The following TUBGCP6 variants were observed in gnomAD, a reference collection of about 807,000 sequenced individuals.
TUBGCP6 encodes the protein tubulin gamma complex component 6.
TUBGCP6 carries 161 observed loss-of-function variants against 175.8 expected under a neutral mutation model. The observed-to-expected ratio is 0.92, with a 90% CI of 0.81 to 1.04. The LOEUF is 1.04. Among genes scored for constraint, TUBGCP6 ranks in the 50% least tolerant of loss-of-function variants. The probability of loss-of-function intolerance (pLI) is 0.00; values close to 1 mark genes in which losing one functional copy is unlikely to be tolerated. For synonymous variants in TUBGCP6, 1,173 were observed against 1,030.5 expected (o/e 1.14, Z -2.65); for missense variants, 2,572 against 2,433.0 (o/e 1.06, Z -1.20).
intron 18 of TUBGCP6, 85 bp from the exon 19 acceptor site, chr22:50,219,541 G>A: frequency 6.3e-7 from 1 of 1,585,426 alleles, no homozygotes. Context: ...CACGTGCTGG[G>A]AACTGGCTAG....
At chr22:50,225,691 G>A in intron 10 of TUBGCP6, 103 bp downstream of exon 10, 2 of 1,426,218 alleles carry the variant, frequency 1.4e-6, no homozygotes, top group African/African-American at 1.4e-5. Context: ...CCAGAAGGGA[G>A]GCCCCCATCT....
chr22:50,230,295 C>T (rs1029001212), intron 3 of TUBGCP6, among the ~76,000 whole-genome samples: 1 of 151,728 alleles, frequency 6.6e-6, no homozygotes, highest in African/African-American at 2.4e-5. Context: ...CATAGCAAGA[C>T]CCCCATCTCT....
At position 50,219,397 on chromosome 22, in the gene TUBGCP6, CG is replaced by C. The variant is rs1569109423; in HGVS notation, c.4374del (p.Val1459TrpfsTer16). ...GCGGCAGACTGGACCTGGGGGTCCA[CG>C]GGGAAGGCGAAGGCCCGGGGAAGCA... Reference protein sequence around the residue: ...RPVLPRAFAFPVDPQVQSAAD... With the variant: ...RPVLPRAFAFXVDPQVQSAAD... On this transcript the variant is annotated frameshift_variant, in exon 19 of 25. Coordinates refer to ENST00000248846, the MANE Select transcript of TUBGCP6 (RefSeq NM_020461.4). LOFTEE classifies it high-confidence loss of function. 6.4e-7 allele frequency: 1 copy of C among 1,573,404 alleles called. No homozygotes were observed. Among genetic ancestry groups the C allele is most frequent in the Admixed American group, 1.9e-5 (1 of 51,938 alleles).
intron 2 of TUBGCP6, among the ~76,000 whole-genome samples, chr22:50,234,220 GTCC>G (rs2064731686): frequency 7.4e-6 from 1 of 135,160 alleles, no homozygotes; most frequent in South Asian, 2.5e-4. Context: ...CTACACCCAG[GTCC>G]ACAGCAGCAT....
At chr22:50,224,120 C>G in intron 13 of TUBGCP6, 21 bp downstream of exon 13, 1 of 1,609,702 alleles carries the variant, frequency 6.2e-7, no homozygotes, top group South Asian at 1.1e-5. Context: ...ACCCCTGGGC[C>G]TGGAGCCCGG....
chr22:50,218,384 G>A lies in TUBGCP6; in HGVS notation c.4973C>T (p.Ala1658Val). The change falls in exon 23 of 25, where the codon GCC becomes GTC. Residue 1658 changes from alanine (A) to valine (V), a missense_variant. Ala to Val is a moderately conservative substitution (Grantham distance 64). Transcript: ENST00000248846. ...CAGCTGACGGAACTGCACAGAGCCG[G>A]CCATGTGGCTCAGCAGGGCTGGCGG... ...LKRTALLSHM[A>V]GSVQFRQLQL... The A allele has an allele frequency of 6.2e-7, 1 of 1,613,064 alleles. No individual in the cohort carries two copies. Among genetic ancestry groups the A allele is most frequent in the Non-Finnish European group, 8.5e-7 (1 of 1,179,958 alleles).
rs757589346 is a variant in TUBGCP6 at position 50,224,595 on chromosome 22, G to A, written c.1984-3C>T. On this transcript the variant is annotated splice_region_variant and splice_polypyrimidine_tract_variant and intron_variant, in intron 10 of 24. Coordinates refer to ENST00000248846, the MANE Select transcript of TUBGCP6 (RefSeq NM_020461.4). ...TTTGCAATTTCCATACGTAATTCCT[G>A]AGAAAGACAACTGGTAATCAAAGCA... 9.9e-6 allele frequency: 16 copies of A among 1,613,478 alleles called. No homozygotes were observed. In the Admixed American group the frequency reaches 2.3e-4, roughly 24 times the overall value.
chr22:50,219,694 AG>A lies in TUBGCP6; in HGVS notation c.4264del (p.Leu1422TrpfsTer53). 1 of 1,613,714 alleles carries A rather than the reference AG, an allele frequency of 6.2e-7. No individual in the cohort carries two copies. On this transcript the variant is annotated frameshift_variant, in exon 18 of 25. Transcript: ENST00000248846. LOFTEE classifies it high-confidence loss of function. ...QGGEQAYLAG[L>X]AGQYHLERYP... ...CCGCTCCAAGTGGTACTGCCCTGCC[AG>A]GCCTGCCAGGTAGGCCTGCTCCCCA...
Position 50,218,286 on chromosome 22 carries a change from C to T in TUBGCP6, c.5071G>A (p.Val1691Ile), listed in dbSNP as rs775071136. 21 of 1,613,016 alleles carry T rather than the reference C, an allele frequency of 1.3e-5. No individual in the cohort carries two copies. The highest frequency in any genetic ancestry group is 4.5e-5 in the East Asian group (2 of 44,880). The change falls in exon 23 of 25, where the codon GTC (valine) becomes ATC (isoleucine). Residue 1691 changes from valine (V) to isoleucine (I), a missense_variant. By Grantham distance (29) the Val-to-Ile change is conservative. Coordinates refer to ENST00000248846, the MANE Select transcript of TUBGCP6 (RefSeq NM_020461.4). ...QGYIANQILH[V>I]TWCEFRARLA... ...CTGGCCCTGAACTCGCACCAGGTGA[C>T]GTGCAGGATCTGGTTGGCGATGTAG...
At chr22:50,233,219 G>T in intron 3 of TUBGCP6, 97 bp downstream of exon 3, 1 of 1,403,754 alleles carries the variant, frequency 7.1e-7, no homozygotes, top group Non-Finnish European at 9.7e-7. Flanking sequence ...CCCACTCCCT[G>T]CACTGGGGCT....
chr22:50,235,490 G>A (rs767404153), intron 2 of TUBGCP6, among the ~76,000 whole-genome samples: 2 of 152,232 alleles, frequency 1.3e-5, no homozygotes, highest in South Asian at 2.1e-4. Context: ...CAGAAGGCAC[G>A]GCACTCAAGG....
Position 50,218,776 on chromosome 22 carries a change from G to T in TUBGCP6, c.4748C>A (p.Ala1583Asp). The T allele has an allele frequency of 6.2e-7, 1 of 1,614,114 alleles. No homozygotes were observed. Among genetic ancestry groups the T allele is most frequent in the South Asian group, 1.1e-5 (1 of 91,086 alleles). ...AAACACCTCGGGCAGGTACTTGAGAGCGAGGGAGAGGTTGGAGGCGTGCGG... is the reference window on the plus strand; with the variant it reads ...AAACACCTCGGGCAGGTACTTGAGATCGAGGGAGAGGTTGGAGGCGTGCGG... ...DTPHASNLSL[A>D]LKYLPEVFAP... The change falls in exon 21 of 25, where the codon GCT (alanine) becomes GAT (aspartate). Residue 1583 changes from alanine (A) to aspartate (D), a missense_variant. By Grantham distance (126) the Ala-to-Asp change is moderately radical. Transcript: ENST00000248846.
At chr22:50,220,100 C>A in intron 16 of TUBGCP6, 85 bp from the exon 17 acceptor site, 1 of 1,556,786 alleles carries the variant, frequency 6.4e-7, no homozygotes, top group Admixed American at 1.8e-5. Flanking sequence ...GCTCAAGCAG[C>A]CCCTCCCATG....
At position 50,243,784 on chromosome 22, in the gene TUBGCP6, T is replaced by C. The variant is rs781289529; in HGVS notation, c.676A>G (p.Met226Val). The change falls in exon 1 of 25, where the codon ATG becomes GTG. Residue 226 changes from methionine (M) to valine (V), a missense_variant. Met to Val is a conservative substitution (Grantham distance 21). Coordinates refer to ENST00000248846, the MANE Select transcript of TUBGCP6 (RefSeq NM_020461.4). Reference protein sequence around the residue: ...GALVHSRTYDMDVRLGLPPVP... With the variant: ...GALVHSRTYDVDVRLGLPPVP... ...GGGGGCAGGCCCAGTCGGACGTCCA[T>C]GTCATAAGTGCGGCTGTGCACAAGG... 42 of 1,613,370 alleles carry C rather than the reference T, an allele frequency of 2.6e-5. No individual in the cohort carries two copies. The highest frequency in any genetic ancestry group is 5.0e-5 in the Admixed American group (3 of 59,974).
At chr22:50,219,818 C>G (rs765419680) in intron 17 of TUBGCP6, 27 bp from the exon 18 acceptor site, 1 of 1,609,674 alleles carries the variant, frequency 6.2e-7, no homozygotes, top group African/African-American at 1.3e-5. Context: ...CTCAGAACCA[C>G]CTCCCCACTG....
At position 50,244,343 on chromosome 22, in the gene TUBGCP6, C is replaced by G. The variant is rs758511360; in HGVS notation, c.117G>C (p.Lys39Asn). 1.3e-5 allele frequency: 21 copies of G among 1,613,392 alleles called. No individual in the cohort carries two copies. The African/African-American group carries it at 2.7e-4, about 21-fold the overall frequency. The change falls in exon 1 of 25, where the codon AAG becomes AAC. Residue 39 changes from lysine to asparagine, a missense_variant. Coordinates refer to ENST00000248846, the MANE Select transcript of TUBGCP6 (RefSeq NM_020461.4). ...NRKRAKRSLK[K>N]VAYNALFTNL... is the part of the protein sequence containing the mutation. ...TTGTGAAAAGAGCATTGTAGGCCACCTTCTTGAGGCTCCGCTTTGCCCTCT... is the reference window on the plus strand; with the variant it reads ...TTGTGAAAAGAGCATTGTAGGCCACGTTCTTGAGGCTCCGCTTTGCCCTCT...
chr22:50,226,454 G>A, intron 7 of TUBGCP6, 76 bp from the exon 8 acceptor site: 2 of 1,377,370 alleles, frequency 1.5e-6, no homozygotes, highest in East Asian at 2.5e-5. Flanking sequence ...TGAGGGGTGG[G>A]ACAGGGGCGT....
chr22:50,242,069 G>C (rs2064846701), intron 1 of TUBGCP6, among the ~76,000 whole-genome samples: 1 of 150,980 alleles, frequency 6.6e-6, no homozygotes, highest in African/African-American at 2.4e-5. Context: ...GAGGCGGGCA[G>C]ATCACGAGGT....
At chr22:50,226,686 C>T (rs1401341063) in intron 7 of TUBGCP6, 47 bp downstream of exon 7, 3 of 1,471,490 alleles carry the variant, frequency 2.0e-6, no homozygotes, top group East Asian at 2.4e-5. Flanking sequence ...CAAGTGTCTG[C>T]CTGGTGGGAG....
Sources: allele counts gnomAD v4.1 joint callset (sites outside exome capture counted in the v4.1 genomes callset), GRCh38; gene constraint gnomAD v4.1.1; transcripts MANE v1.5; gene names NCBI Gene and HGNC (gene_info 2026-07-23, HGNC 2026-07-21).